Variants in ITFG1 observed in about 807,000 individuals in gnomAD.
ITFG1 encodes integrin alpha FG-GAP repeat containing 1.
In ITFG1, 34 loss-of-function variants were observed where a neutral mutation model predicts 81.8. The observed-to-expected ratio is 0.42, with a 90% CI of 0.32 to 0.55. The LOEUF is 0.55. Among genes scored for constraint, ITFG1 ranks in the 20% least tolerant of loss-of-function variants. ITFG1 has a pLI of 0.17. For synonymous variants in ITFG1, 285 were observed against 270.6 expected (o/e 1.05, Z -0.52); for missense variants, 672 against 755.4 (o/e 0.89, Z 1.29).
rs1027868224 is a variant in ITFG1 at position 47,159,274 on chromosome 16, G to C, written c.1662-284C>G. ...TCATTTTCCAAGTTTGATCCTATGA[G>C]AATTATTTTTAGGTAAACATATCCA... On this transcript the variant is annotated intron_variant, in intron 16 of 17. Coordinates refer to ENST00000320640, the MANE Select transcript of ITFG1 (RefSeq NM_030790.5). Among the ~76,000 whole-genome samples, 4 of 152,076 alleles carry C rather than the reference G, an allele frequency of 2.6e-5. No homozygotes were observed. The East Asian group carries it at 7.7e-4, about 29-fold the overall frequency.
At chr16:47,445,816 G>A (rs1374997042) in intron 5 of ITFG1, among the ~76,000 whole-genome samples, 1 of 152,162 alleles carries the variant, frequency 6.6e-6, no homozygotes, top group Non-Finnish European at 1.5e-5. Context: ...GCTAGCCATG[G>A]AGAGAGAGGT....
rs1243113848 is a variant in ITFG1 at position 47,356,309 on chromosome 16, A to G, written c.802+9479T>C. On this transcript the variant is annotated intron_variant, in intron 8 of 17. Transcript: ENST00000320640. ...TTTTTGAGCATTATGAAAAAGAAGC[A>G]AAGAGACATTTGCAATATACAAAAC... 3.3e-5 allele frequency among the ~76,000 whole-genome samples: 5 copies of G among 152,380 alleles called. No individual in the cohort carries two copies. In the South Asian group the frequency reaches 1.0e-3, roughly 32 times the overall value.
chr16:47,314,735 T>C (rs1183645419), intron 8 of ITFG1, among the ~76,000 whole-genome samples: 1 of 152,220 alleles, frequency 6.6e-6, no homozygotes, highest in African/African-American at 2.4e-5. Context: ...CTTAGTTTTT[T>C]AATTTGGGGA....
chr16:47,321,772 C>T (rs1967452237), intron 8 of ITFG1, among the ~76,000 whole-genome samples: 1 of 152,080 alleles, frequency 6.6e-6, no homozygotes, highest in Non-Finnish European at 1.5e-5. Flanking sequence ...AGGCTAGATA[C>T]TTTTAGAAAA....
chr16:47,408,348 C>A (rs780428241), intron 6 of ITFG1, among the ~76,000 whole-genome samples: 1 of 152,168 alleles, frequency 6.6e-6, no homozygotes, highest in Non-Finnish European at 1.5e-5. Flanking sequence ...CAGGTCCCAT[C>A]CACTCTGCAC....
chr16:47,337,457 C>G (rs1967721711), intron 8 of ITFG1, among the ~76,000 whole-genome samples: 2 of 152,074 alleles, frequency 1.3e-5, no homozygotes. Context: ...ATAATCCCAG[C>G]TACTGGGGAG....
At chr16:47,347,542 C>T (rs925475439) in intron 8 of ITFG1, among the ~76,000 whole-genome samples, 1 of 152,002 alleles carries the variant, frequency 6.6e-6, no homozygotes, top group Non-Finnish European at 1.5e-5. Flanking sequence ...AACAAAGCAG[C>T]TGGGAAGCCC....
intron 6 of ITFG1, among the ~76,000 whole-genome samples, chr16:47,415,246 A>G (rs1968859638): frequency 6.6e-6 from 1 of 152,216 alleles, no homozygotes; most frequent in African/African-American, 2.4e-5. Flanking sequence ...TGAAAAGATA[A>G]GGTTGAGTTT....
At chr16:47,260,370 A>G (rs148909324) in intron 11 of ITFG1, among the ~76,000 whole-genome samples, 175 bp downstream of exon 11, 10 of 152,328 alleles carry the variant, frequency 6.6e-5, no homozygotes, top group African/African-American at 2.4e-4. Flanking sequence ...TGATCAGCCA[A>G]TGTTGTCAAT....
intron 10 of ITFG1, among the ~76,000 whole-genome samples, chr16:47,302,985 C>T (rs190152994): frequency 1.3e-5 from 2 of 152,096 alleles, no homozygotes; most frequent in Non-Finnish European, 2.9e-5. Flanking sequence ...GAAAAATAGA[C>T]GATAGGCTGG....
intron 14 of ITFG1, among the ~76,000 whole-genome samples, chr16:47,164,932 G>A (rs1222484800): frequency 3.9e-5 from 6 of 152,170 alleles, no homozygotes; most frequent in East Asian, 1.9e-4. Flanking sequence ...CCATAGATTC[G>A]GTGTCTTATC....
intron 13 of ITFG1, among the ~76,000 whole-genome samples, chr16:47,224,829 C>CT (rs1320389317): frequency 6.6e-6 from 1 of 152,108 alleles, no homozygotes; most frequent in Non-Finnish European, 1.5e-5. Context: ...GAGGCCCTGT[C>CT]TCCATGAAAA....
chr16:47,447,215 G>C (rs1356302922), intron 5 of ITFG1, among the ~76,000 whole-genome samples: 1 of 151,984 alleles, frequency 6.6e-6, no homozygotes, highest in South Asian at 2.1e-4. Context: ...ATGAAATAAA[G>C]CAAAATGGTT....
At chr16:47,252,975 T>C (rs1354338535) in intron 12 of ITFG1, among the ~76,000 whole-genome samples, 1 of 152,224 alleles carries the variant, frequency 6.6e-6, no homozygotes, top group Non-Finnish European at 1.5e-5. Context: ...GTGACCTTTC[T>C]GTAAATTACA....
intron 14 of ITFG1, among the ~76,000 whole-genome samples, chr16:47,210,426 T>C (rs1050222325): frequency 2.6e-5 from 4 of 152,178 alleles, no homozygotes; most frequent in Non-Finnish European, 5.9e-5. Context: ...TATTGAACCT[T>C]TGTCAGATAT....
chr16:47,281,433 T>A (rs1966450279), intron 10 of ITFG1, among the ~76,000 whole-genome samples: 1 of 152,208 alleles, frequency 6.6e-6, no homozygotes, highest in African/African-American at 2.4e-5. Context: ...AGTCTTCTAT[T>A]TTCTGGAAGA....
At chr16:47,387,469 G>A (rs1968476893) in intron 6 of ITFG1, among the ~76,000 whole-genome samples, 2 of 152,076 alleles carry the variant, frequency 1.3e-5, no homozygotes, top group African/African-American at 4.8e-5. Flanking sequence ...CTATATCTGG[G>A]CAAGCTGGTA....
chr16:47,456,788 C>T (rs1596996862), intron 2 of ITFG1, among the ~76,000 whole-genome samples: 1 of 151,906 alleles, frequency 6.6e-6, no homozygotes, highest in African/African-American at 2.4e-5. Context: ...AAGACACACC[C>T]CCGTGAAGTA....
At chr16:47,247,975 A>G (rs1966022514) in intron 12 of ITFG1, among the ~76,000 whole-genome samples, 1 of 152,306 alleles carries the variant, frequency 6.6e-6, no homozygotes, top group Non-Finnish European at 1.5e-5. Context: ...CAGAACCAGA[A>G]ATGGAACTTG....
Sources: gnomAD v4.1 joint callset for allele counts (sites outside exome capture counted in the v4.1 genomes callset) on GRCh38, gnomAD v4.1.1 for gene constraint, MANE v1.5 for transcripts, NCBI Gene and HGNC (gene_info 2026-07-23, HGNC 2026-07-21) for gene names.